The following OXTR variants were observed in gnomAD, a reference collection of about 807,000 sequenced individuals.
OXTR encodes the protein oxytocin receptor.
OXTR carries 19 observed loss-of-function variants against 23.9 expected under a neutral mutation model. The observed-to-expected ratio is 0.80, with a 90% CI of 0.56 to 1.17. The LOEUF (loss-of-function observed/expected upper bound fraction) is 1.17. OXTR is among the 50% of genes most tolerant of loss of function. The pLI is 0.00. For synonymous variants in OXTR, 278 were observed against 250.5 expected (o/e 1.11, Z -1.04); for missense variants, 500 against 550.7 (o/e 0.91, Z 0.92).
At chr3:8,748,136 T>C (rs1708199958), downstream of OXTR, among the ~76,000 whole-genome samples, 1 of 152,180 alleles carries the variant, frequency 6.6e-6, no homozygotes, top group Non-Finnish European at 1.5e-5. Flanking sequence ...GGGACTCCTG[T>C]TTGAAATGCA....
chr3:8,749,761 T>C (rs1020881282), downstream of OXTR, among the ~76,000 whole-genome samples: 26 of 152,216 alleles, frequency 1.7e-4, no homozygotes, highest in African/African-American at 6.3e-4. Flanking sequence ...ACTTTGAACG[T>C]GGACATTTCA....
At chr3:8,753,286 A>G in intron 3 of OXTR, 62 bp from the exon 4 acceptor site, 1 of 1,568,368 alleles carries the variant, frequency 6.4e-7, no homozygotes, top group South Asian at 1.2e-5. Context: ...AGCCACTTCC[A>G]GACCTATCTG....
At chr3:8,756,786 G>T (rs944798519) in intron 3 of OXTR, among the ~76,000 whole-genome samples, 1 of 152,194 alleles carries the variant, frequency 6.6e-6, no homozygotes, top group Non-Finnish European at 1.5e-5. Context: ...ATGTGCAAAG[G>T]CCAGGCCCCA....
Position 8,768,121 on chromosome 3 carries a change from C to T in OXTR, c.67G>A (p.Ala23Thr), listed in dbSNP as rs1222164801. ...GGTCCGGCGGTGCGGTTGCCCTCGG[C>T]CCCCGGCGGCGCGGCGCTGGCGTTG... ...AANASAAPPG[A>T]EGNRTAGPPR... Residue 23 changes from alanine (A) to threonine (T), a missense_variant, in exon 3 of 4, where the codon GCC becomes ACC. Physicochemically the swap from Ala to Thr is moderately conservative, Grantham distance 58 (BLOSUM62 0). Transcript: ENST00000316793. The surrounding 1 kb of genome is among the most constrained non-coding windows in gnomAD (Gnocchi z 5.4). 98 of 1,361,922 alleles carry T rather than the reference C, an allele frequency of 7.2e-5. No homozygotes were observed. Among genetic ancestry groups the T allele is most frequent in the Non-Finnish European group, 8.6e-5 (92 of 1,065,154 alleles). 84.4% of individuals were successfully genotyped at this position (1,361,922 alleles called of 1,614,324 possible). A position where few individuals can be genotyped will look rare whatever the true frequency, so the allele number is the denominator to read the frequency against.
At position 8,752,870 on chromosome 3, in the gene OXTR, A is replaced by G. The variant is rs112560816; in HGVS notation, c.*107T>C. On this transcript the variant is annotated 3_prime_UTR_variant, in exon 4 of 4. Coordinates refer to ENST00000316793, the MANE Select transcript of OXTR (RefSeq NM_000916.4). ...GCCACCCCAAGGAGGGGAGGGATACAAACTGATAGGTACCTTATACACAAA... is the reference window on the plus strand; with the variant it reads ...GCCACCCCAAGGAGGGGAGGGATACGAACTGATAGGTACCTTATACACAAA... The G allele has an allele frequency of 7.9e-4, 1,001 of 1,262,500 alleles. 17 individuals carry two copies. In the African/African-American group the frequency reaches 0.013, roughly 17 times the overall value. The allele number at this position is 1,262,500 out of a possible 1,614,324, so 78.2% of individuals were successfully genotyped here.
At position 8,768,277 on chromosome 3, in the gene OXTR, G is replaced by A. The variant is rs199840101; in HGVS notation, c.-90C>T. ...ATCCGGCGTGTCGGAGGGTGTAGGG[G>A]CGCCCGGGGCTCCACTCCTGGAGAC... is the stretch of plus-strand genomic sequence containing the variant. On this transcript the variant is annotated 5_prime_UTR_variant, in exon 3 of 4. Coordinates refer to ENST00000316793, the MANE Select transcript of OXTR (RefSeq NM_000916.4). This position sits in a 1 kb window ranked among gnomAD's most constrained non-coding sequence, Gnocchi z 5.4. 4.1e-6 allele frequency: 5 copies of A among 1,233,842 alleles called. No individual in the cohort carries two copies. Among genetic ancestry groups the A allele is most frequent in the Non-Finnish European group, 5.0e-6 (5 of 991,714 alleles). 76.4% of individuals were successfully genotyped at this position (1,233,842 alleles called of 1,614,324 possible).
chr3:8,767,882 G>A lies in OXTR; in HGVS notation c.306C>T (p.Thr102=), dbSNP rs780354558. ...GCAGGTCGGGCCCGTAGAAGCGGAA[G>A]GTGATGTCCCACAGCAACTGCGGCA... is the stretch of plus-strand genomic sequence containing the variant. The part of the protein sequence containing the change: ...QVLPQLLWDI[T]FRFYGPDLLC... Residue 102 remains threonine (T), a synonymous_variant, in exon 3 of 4, where the codon ACC becomes ACT. Coordinates refer to ENST00000316793, the MANE Select transcript of OXTR (RefSeq NM_000916.4). 3 of 1,613,700 alleles carry A rather than the reference G, an allele frequency of 1.9e-6. No individual in the cohort carries two copies. The South Asian group carries it at 3.3e-5, about 18-fold the overall frequency.
the OXTR span, among the ~76,000 whole-genome samples, chr3:8,743,199 C>T: frequency 6.6e-6 from 1 of 152,196 alleles, no homozygotes; most frequent in South Asian, 2.1e-4. Context: ...CTGGGGATCA[C>T]ATTTCAACAT....
At chr3:8,747,790 C>A (rs1708195723), downstream of OXTR, among the ~76,000 whole-genome samples, 1 of 152,206 alleles carries the variant, frequency 6.6e-6, no homozygotes, top group Admixed American at 6.5e-5. Flanking sequence ...CTCTTGAAAT[C>A]ACGAGGCCAT....
downstream of OXTR, chr3:8,745,844 G>A (rs142475018): frequency 2.9e-5 from 47 of 1,612,816 alleles, no homozygotes; most frequent in Non-Finnish European, 3.6e-5. The surrounding 1 kb of genome is among the most constrained non-coding windows in gnomAD (Gnocchi z 4.8). Context: ...CAGCATCAAG[G>A]TGGTGCTGCG....
Position 8,764,814 on chromosome 3 carries a change from C to A in OXTR, c.922+2452G>T, listed in dbSNP as rs190387860. ...GCTTGGGGCAGCGGGGAGGTCCCGG[C>A]TGCAGCAGCATCATGAATCCCTGCC... is the stretch of plus-strand genomic sequence containing the variant. On this transcript the variant is annotated intron_variant, in intron 3 of 3. Coordinates refer to ENST00000316793, the MANE Select transcript of OXTR (RefSeq NM_000916.4). Among the ~76,000 whole-genome samples, 12 of 152,330 alleles carry A rather than the reference C, an allele frequency of 7.9e-5. 1 individual carries two copies. The East Asian group carries it at 2.3e-3, about 29-fold the overall frequency.
Position 8,752,805 on chromosome 3 carries a change from A to G in OXTR, c.*172T>C, listed in dbSNP as rs942945580. 4 of 643,690 alleles carry G rather than the reference A, an allele frequency of 6.2e-6. No individual in the cohort carries two copies. Among genetic ancestry groups the G allele is most frequent in the Non-Finnish European group, 1.1e-5 (4 of 380,246 alleles). The allele number at this position is 643,690 out of a possible 1,614,324, so 39.9% of individuals were successfully genotyped here. A position where few individuals can be genotyped will look rare whatever the true frequency, so the allele number is the denominator to read the frequency against. On this transcript the variant is annotated 3_prime_UTR_variant, in exon 4 of 4. Transcript: ENST00000316793. ...GTGTTGTCTGATGGCTGAGTCCCCT[A>G]TCATCTTCCATCATGGAGGCCACTC... is the stretch of plus-strand genomic sequence containing the variant.
downstream of OXTR, among the ~76,000 whole-genome samples, chr3:8,748,952 C>A (rs964878350): frequency 2.6e-5 from 4 of 152,116 alleles, no homozygotes; most frequent in African/African-American, 9.7e-5. Context: ...ATGATCAGAG[C>A]CATGATACAT....
rs1708271078 is a variant in OXTR at position 8,752,020 on chromosome 3, C to T, written c.*957G>A. 6.6e-6 allele frequency: 1 copy of T among 152,140 alleles called. No individual in the cohort carries two copies. The highest frequency in any genetic ancestry group is 2.4e-5 in the African/African-American group (1 of 41,436). The allele number at this position is 152,140 out of a possible 1,614,324, so 9.4% of individuals were successfully genotyped here. A position where few individuals can be genotyped will look rare whatever the true frequency, so the allele number is the denominator to read the frequency against. On this transcript the variant is annotated 3_prime_UTR_variant, in exon 4 of 4. Transcript: ENST00000316793. ...CAGGATGTCTTTCCATTTATTTAAG[C>T]CTTCTTTAATTTCTTTCCAATTTTG... is the stretch of plus-strand genomic sequence containing the variant.
intron 3 of OXTR, among the ~76,000 whole-genome samples, chr3:8,765,542 C>T (rs955373774): frequency 6.6e-6 from 1 of 152,236 alleles, no homozygotes; most frequent in African/African-American, 2.4e-5. Context: ...CCCCACATCT[C>T]TCCAGTATCT....
chr3:8,754,618 C>A (rs17049512), intron 3 of OXTR, among the ~76,000 whole-genome samples: 3 of 152,138 alleles, frequency 2.0e-5, no homozygotes, highest in Admixed American at 1.3e-4. Flanking sequence ...TGTTTGTCAG[C>A]GAAGTCTTCA....
chr3:8,760,151 T>C (rs1486889340), intron 3 of OXTR, among the ~76,000 whole-genome samples: 1 of 152,206 alleles, frequency 6.6e-6, no homozygotes, highest in Non-Finnish European at 1.5e-5. Flanking sequence ...TATTCCACCC[T>C]GTATACAACC....
rs202141245 is a variant in OXTR, at chr3:8,769,269, C to T, written c.-277G>A. ...GCAGGCGAACCTAAAGTTGACTCCC[C>T]CCGGGGAAGTTGCACGGCGACTGAC... On this transcript the variant is annotated 5_prime_UTR_variant, in exon 1 of 4. Transcript: ENST00000316793. The T allele has an allele frequency of 2.0e-4, 30 of 152,406 alleles. No individual in the cohort carries two copies. The highest frequency in any genetic ancestry group is 7.2e-4 in the African/African-American group (30 of 41,482). 9.4% of individuals were successfully genotyped at this position (152,406 alleles called of 1,614,324 possible). A position where few individuals can be genotyped will look rare whatever the true frequency, so the allele number is the denominator to read the frequency against.
At chr3:8,745,024 C>A in the OXTR span, 1 of 165,378 alleles carries the variant, frequency 6.0e-6, no homozygotes, top group East Asian at 1.7e-4. The surrounding 1 kb of genome is among the most constrained non-coding windows in gnomAD (Gnocchi z 4.8). Flanking sequence ...CTCTAAACCT[C>A]ATGGTGAAAC....
Sources: allele counts gnomAD v4.1 joint callset (sites outside exome capture counted in the v4.1 genomes callset), GRCh38; gene constraint gnomAD v4.1.1; non-coding constraint Gnocchi (gnomAD v3.1); transcripts MANE v1.5; gene names NCBI Gene and HGNC (gene_info 2026-07-23, HGNC 2026-07-21).